Variants in HIBCH observed in about 807,000 individuals in gnomAD.
HIBCH encodes the protein 3-hydroxyisobutyryl-CoA hydrolase, mitochondrial.
A neutral mutation model predicts 58.2 loss-of-function variants in HIBCH; 50 were observed. The ratio of observed to expected loss-of-function variants is 0.86; its 90% CI spans 0.68 to 1.09. The LOEUF is 1.09. Among genes scored for constraint, HIBCH ranks in the 50% least tolerant of loss-of-function variants. The pLI, the probability that HIBCH is intolerant of heterozygous loss-of-function variation, is 0.00. For missense variants in HIBCH, 450 were observed against 449.7 expected, an observed-to-expected ratio of 1.00 and a Z score of -0.01; for synonymous variants, 151 against 146.9, an observed-to-expected ratio of 1.03 and a Z score of -0.20.
chr2:190,271,758 T>TC (rs1687408250), intron 6 of HIBCH, among the ~76,000 whole-genome samples: 1 of 152,146 alleles, frequency 6.6e-6, no homozygotes, highest in Non-Finnish European at 1.5e-5. Context: ...AGCACTTAAT[T>TC]AGCTCTCCAT....
intron 3 of HIBCH, among the ~76,000 whole-genome samples, chr2:190,295,463 T>C (rs528816759): frequency 6.6e-6 from 1 of 152,356 alleles, no homozygotes; most frequent in South Asian, 2.1e-4. Flanking sequence ...ACTTGTATTT[T>C]GACTGCGAGC....
rs761499764 is a variant in HIBCH, at chr2:190,206,999, T to C, written c.1046-1767A>G. On this transcript the variant is annotated intron_variant, in intron 13 of 13. Coordinates refer to ENST00000359678, the MANE Select transcript of HIBCH (RefSeq NM_014362.4). This position sits in a 1 kb window ranked among gnomAD's most constrained non-coding sequence, Gnocchi z 5.1. ...AAATTAGGCGTGGTGGCAGGCGCTT[T>C]TAGTCCCAGCTACTCGGGAGGCTGA... 9.2e-5 allele frequency among the ~76,000 whole-genome samples: 14 copies of C among 151,850 alleles called. No individual in the cohort carries two copies. Among genetic ancestry groups the C allele is most frequent in the Non-Finnish European group, 1.6e-4 (11 of 67,942 alleles).
intron 2 of HIBCH, among the ~76,000 whole-genome samples, chr2:190,301,832 G>C (rs1235334869): frequency 1.3e-5 from 2 of 152,152 alleles, no homozygotes; most frequent in Non-Finnish European, 2.9e-5. Context: ...GAAGGAAAAG[G>C]GCAAAGACGC....
At chr2:190,258,758 T>C (rs1254028839) in intron 7 of HIBCH, among the ~76,000 whole-genome samples, 1 of 152,248 alleles carries the variant, frequency 6.6e-6, no homozygotes, top group Non-Finnish European at 1.5e-5. Flanking sequence ...TCAGGTTGTA[T>C]GACTACATCT....
chr2:190,259,361 G>GTGTGTGTGTT (rs1553501630), intron 7 of HIBCH, among the ~76,000 whole-genome samples: 20 of 142,456 alleles, frequency 1.4e-4, no homozygotes, highest in Non-Finnish European at 2.3e-4. Flanking sequence ...GTGTGTGTGT[G>GTGTGTGTGTT]TGTGTGTCTG....
At chr2:190,311,138 G>T in intron 1 of HIBCH, 1 of 435,298 alleles carries the variant, frequency 2.3e-6, no homozygotes, top group Non-Finnish European at 4.3e-6. Flanking sequence ...AAAATTGGAC[G>T]AAACTTAAAT....
chr2:190,281,993 A>C lies in HIBCH; in HGVS notation c.438+5593T>G, dbSNP rs1332915547. Among the ~76,000 whole-genome samples, 1 of 152,130 alleles carries C rather than the reference A, an allele frequency of 6.6e-6. No homozygotes were observed. The highest frequency in any genetic ancestry group is 2.4e-5 in the African/African-American group (1 of 41,430). On this transcript the variant is annotated intron_variant, in intron 6 of 13. Coordinates refer to ENST00000359678, the MANE Select transcript of HIBCH (RefSeq NM_014362.4). The surrounding 1 kb of genome is among the most constrained non-coding windows in gnomAD (Gnocchi z 5.4). ...CATTACTGTCCATATTTCTATTAGC[A>C]TTCTGCCCATGACCACTTAAATAAT...
rs1686872988 is a variant in HIBCH at position 190,254,611 on chromosome 2, A to G, written c.518-2304T>C. Among the ~76,000 whole-genome samples, 1 of 152,158 alleles carries G rather than the reference A, an allele frequency of 6.6e-6. No individual in the cohort carries two copies. Among genetic ancestry groups the G allele is most frequent in the Non-Finnish European group, 1.5e-5 (1 of 68,022 alleles). On this transcript the variant is annotated intron_variant, in intron 7 of 13. Coordinates refer to ENST00000359678, the MANE Select transcript of HIBCH (RefSeq NM_014362.4). The surrounding 1 kb of genome is among the most constrained non-coding windows in gnomAD (Gnocchi z 5.0). ...CTCACATTTAACATGGCAAAAGTAG[A>G]ACTACTGATTCACAAACCTCCAACT...
chr2:190,253,787 C>A (rs1223103809), intron 7 of HIBCH, among the ~76,000 whole-genome samples: 1 of 152,142 alleles, frequency 6.6e-6, no homozygotes, highest in African/African-American at 2.4e-5. Flanking sequence ...ACATCCCTTA[C>A]TACTCACTCC....
rs1448383985 is a variant in HIBCH, at chr2:190,207,308, G to A, written c.1045+1572C>T. Among the ~76,000 whole-genome samples, 1 of 152,108 alleles carries A rather than the reference G, an allele frequency of 6.6e-6. No homozygotes were observed. Among genetic ancestry groups the A allele is most frequent in the Admixed American group, 6.6e-5 (1 of 15,262 alleles). ...ATACTTTAACAATATAACCCTGTAT[G>A]CTTACAGGTCCTCTAAAATCAGAGT... On this transcript the variant is annotated intron_variant, in intron 13 of 13. Transcript: ENST00000359678. The surrounding 1 kb of genome is among the most constrained non-coding windows in gnomAD (Gnocchi z 4.5).
Position 190,209,573 on chromosome 2 carries a change from C to T in HIBCH, c.1012-660G>A, listed in dbSNP as rs1690469957. On this transcript the variant is annotated intron_variant, in intron 12 of 13. Coordinates refer to ENST00000359678, the MANE Select transcript of HIBCH (RefSeq NM_014362.4). This position sits in a 1 kb window ranked among gnomAD's most constrained non-coding sequence, Gnocchi z 5.6. ...GACTTCTTTAAAAATACGAGAAGCT[C>T]TTAGATATGAAGTCTTGTCTTCTCA... 6.6e-6 allele frequency among the ~76,000 whole-genome samples: 1 copy of T among 152,170 alleles called. No homozygotes were observed. The highest frequency in any genetic ancestry group is 1.5e-5 in the Non-Finnish European group (1 of 68,020).
At chr2:190,242,444 G>A (rs182674909) in intron 11 of HIBCH, among the ~76,000 whole-genome samples, 25 of 152,098 alleles carry the variant, frequency 1.6e-4, no homozygotes, top group African/African-American at 4.6e-4. Context: ...ACTCATTTCC[G>A]TCCAGTTTTG....
At chr2:190,294,474 C>A in intron 4 of HIBCH, 72 bp downstream of exon 4, 1 of 980,486 alleles carries the variant, frequency 1.0e-6, no homozygotes, top group Non-Finnish European at 1.6e-6. Context: ...TAAATTATTA[C>A]AAAAATTTGA....
At chr2:190,294,022 G>GTGTGTATA (rs755751586) in intron 4 of HIBCH, among the ~76,000 whole-genome samples, 68 of 83,014 alleles carry the variant, frequency 8.2e-4, no homozygotes, top group African/African-American at 2.1e-3. Context: ...TATTTTGTGT[G>GTGTGTATA]TATATATATA....
intron 7 of HIBCH, among the ~76,000 whole-genome samples, chr2:190,259,507 C>T (rs143223548): frequency 0.012 from 1,788 of 152,196 alleles, 29 homozygotes; most frequent in Middle Eastern, 0.02. Flanking sequence ...CACAGGCACA[C>T]GCCACCATGT....
chr2:190,218,947 C>A (rs939545622), intron 11 of HIBCH, among the ~76,000 whole-genome samples: 1 of 152,212 alleles, frequency 6.6e-6, no homozygotes, highest in African/African-American at 2.4e-5. Context: ...AACTTGTACC[C>A]ACATCCTAAA....
intron 7 of HIBCH, among the ~76,000 whole-genome samples, chr2:190,256,872 C>T (rs1686938948): frequency 6.6e-6 from 1 of 151,832 alleles, no homozygotes; most frequent in Non-Finnish European, 1.5e-5. Context: ...CAGATTAGAT[C>T]TTGTAGAAGA....
chr2:190,294,684 A>G, intron 3 of HIBCH, 54 bp from the exon 4 acceptor site: 1 of 1,110,496 alleles, frequency 9.0e-7, no homozygotes. Context: ...CAAACTCATT[A>G]AAGTTATATG....
At chr2:190,262,163 C>CAAAAAA (rs982653583) in intron 6 of HIBCH, among the ~76,000 whole-genome samples, 18 of 91,908 alleles carry the variant, frequency 2.0e-4, no homozygotes, top group African/African-American at 6.2e-4. Context: ...GCGGTAGAGA[C>CAAAAAA]AAAAAAAAAA....
Sources: allele counts gnomAD v4.1 joint callset (sites outside exome capture counted in the v4.1 genomes callset), GRCh38; gene constraint gnomAD v4.1.1; non-coding constraint Gnocchi (gnomAD v3.1); transcripts MANE v1.5; gene names NCBI Gene and HGNC (gene_info 2026-07-23, HGNC 2026-07-21).